The following TYW1B variants were observed in gnomAD, a reference collection of about 807,000 sequenced individuals.
TYW1B encodes the protein S-adenosyl-L-methionine-dependent tRNA 4-demethylwyosine synthase TYW1B.
Under a neutral mutation model 86.9 loss-of-function variants are expected in TYW1B, and 73 were observed. The observed-to-expected ratio is 0.84, with a 90% confidence interval of 0.70 to 1.02. The LOEUF (loss-of-function observed/expected upper bound fraction) is 1.02, where lower values mean the gene tolerates loss of function less well. TYW1B is among the 50% of genes least tolerant of loss of function. The probability of loss-of-function intolerance (pLI) is 0.00; values close to 1 mark genes in which losing one functional copy is unlikely to be tolerated. For missense variants in TYW1B, 637 were observed against 827.4 expected (o/e 0.77, Z 2.82); for synonymous variants, 248 against 292.8 (o/e 0.85, Z 1.56).
At chr7:72,792,991 C>G (rs566445273) in intron 6 of TYW1B, among the ~76,000 whole-genome samples, 1 of 152,242 alleles carries the variant, frequency 6.6e-6, no homozygotes, top group African/African-American at 2.4e-5. Flanking sequence ...CCAGGAAAAA[C>G]AGGAACAGAG....
chr7:72,646,968 T>C (rs182049610), intron 11 of TYW1B, among the ~76,000 whole-genome samples: 15 of 152,334 alleles, frequency 9.8e-5, no homozygotes, highest in East Asian at 5.8e-4. Context: ...CAGTGCTACA[T>C]AGACTGGATG....
chr7:72,684,152 A>G (rs1554448864), intron 11 of TYW1B, among the ~76,000 whole-genome samples: 2 of 152,226 alleles, frequency 1.3e-5, no homozygotes, highest in East Asian at 3.8e-4. Flanking sequence ...AGAAAAGAAC[A>G]AAAGTAGTAT....
intron 8 of TYW1B, among the ~76,000 whole-genome samples, chr7:72,742,768 T>A (rs570526395): frequency 6.6e-6 from 1 of 152,114 alleles, no homozygotes; most frequent in South Asian, 2.1e-4. Flanking sequence ...TTATAAGCAT[T>A]TATAATAATC....
At chr7:72,590,708 C>T (rs1280537619) in intron 13 of TYW1B, among the ~76,000 whole-genome samples, 1 of 152,134 alleles carries the variant, frequency 6.6e-6, no homozygotes, top group Non-Finnish European at 1.5e-5. Context: ...CCAGAAAACA[C>T]TGAGAGGCAA....
At chr7:72,822,402 G>C (rs538445401) in intron 2 of TYW1B, among the ~76,000 whole-genome samples, 1 of 152,090 alleles carries the variant, frequency 6.6e-6, no homozygotes, top group South Asian at 2.1e-4. Flanking sequence ...AAAAATTCAA[G>C]TATACAGAAC....
rs529675839 is a variant in TYW1B at position 72,767,422 on chromosome 7, T to A, written c.964+9994A>T. ...GAGATCGAGACCATCCTGGCTAACA[T>A]GGTGAAACCCATCTCTACTAAAAAT... On this transcript the variant is annotated intron_variant, in intron 7 of 13. Coordinates refer to ENST00000620995, the MANE Select transcript of TYW1B (RefSeq NM_001145440.3). 1.0e-3 allele frequency among the ~76,000 whole-genome samples: 159 copies of A among 151,830 alleles called. 1 individual carries two copies. Among genetic ancestry groups the A allele is most frequent in the Non-Finnish European group, 1.1e-3 (72 of 67,946 alleles).
At chr7:72,610,311 G>A (rs538271468) in intron 13 of TYW1B, among the ~76,000 whole-genome samples, 12 of 152,164 alleles carry the variant, frequency 7.9e-5, no homozygotes, top group East Asian at 1.9e-4. Context: ...TCCATAATTC[G>A]ATATCTATAT....
In TYW1B at chr7:72,646,286, T is replaced by C. The variant is rs1585873065; in HGVS notation, c.1507-17289A>G. Among the ~76,000 whole-genome samples, 5 of 152,082 alleles carry C rather than the reference T, an allele frequency of 3.3e-5. No homozygotes were observed. In the South Asian group the frequency reaches 1.0e-3, roughly 32 times the overall value. On this transcript the variant is annotated intron_variant, in intron 11 of 13. Coordinates refer to ENST00000620995, the MANE Select transcript of TYW1B (RefSeq NM_001145440.3). Reference sequence around the variant, plus strand: ...CTATATTGCCAGGCTGGTCTCAAACTCCTGGCCTCAAGTGATCCGCACACC... The same window carrying C: ...CTATATTGCCAGGCTGGTCTCAAACCCCTGGCCTCAAGTGATCCGCACACC...
At chr7:72,783,260 T>C (rs1185742183) in intron 6 of TYW1B, among the ~76,000 whole-genome samples, 1 of 151,038 alleles carries the variant, frequency 6.6e-6, no homozygotes, top group Non-Finnish European at 1.5e-5. Context: ...TAGCCGGGCG[T>C]GGTGGCATGC....
chr7:72,695,492 A>C (rs1160742371), intron 10 of TYW1B, among the ~76,000 whole-genome samples: 2 of 152,164 alleles, frequency 1.3e-5, no homozygotes, highest in African/African-American at 4.8e-5. Context: ...ATCAGTTTCC[A>C]TGAATACCAC....
At chr7:72,804,547 TAA>T (rs1788461670) in intron 5 of TYW1B, among the ~76,000 whole-genome samples, 2 of 151,724 alleles carry the variant, frequency 1.3e-5, no homozygotes, top group Admixed American at 1.3e-4. Flanking sequence ...TTTAAAAAAT[TAA>T]AAAACAAGCT....
chr7:72,607,515 G>A (rs1292940150), intron 13 of TYW1B, among the ~76,000 whole-genome samples: 4 of 151,000 alleles, frequency 2.6e-5, no homozygotes, highest in Non-Finnish European at 4.4e-5. Context: ...GAAGGAAGGA[G>A]AAATAGTTAA....
At chr7:72,630,538 C>T (rs1585861315) in intron 11 of TYW1B, among the ~76,000 whole-genome samples, 1 of 150,752 alleles carries the variant, frequency 6.6e-6, no homozygotes, top group African/African-American at 2.4e-5. Context: ...AAGGGATGCA[C>T]AAAATGATAC....
At chr7:72,690,836 C>G (rs1554450203) in intron 11 of TYW1B, among the ~76,000 whole-genome samples, 1 of 150,718 alleles carries the variant, frequency 6.6e-6, no homozygotes, top group African/African-American at 2.4e-5. Flanking sequence ...CAACCTCCGC[C>G]TCCCGGGTTG....
intron 7 of TYW1B, among the ~76,000 whole-genome samples, chr7:72,755,608 G>C (rs1460563118): frequency 6.6e-6 from 1 of 152,190 alleles, no homozygotes; most frequent in African/African-American, 2.4e-5. Context: ...AGGCTGCAGT[G>C]AGCCGAGATC....
intron 7 of TYW1B, among the ~76,000 whole-genome samples, chr7:72,777,182 T>C (rs1176203542): frequency 6.6e-6 from 1 of 152,170 alleles, no homozygotes; most frequent in Non-Finnish European, 1.5e-5. Flanking sequence ...ACTTTTGATC[T>C]GTGAACTTGA....
At chr7:72,729,710 A>T (rs1787069499) in intron 8 of TYW1B, among the ~76,000 whole-genome samples, 1 of 151,690 alleles carries the variant, frequency 6.6e-6, no homozygotes. Context: ...ACTGCCAACC[A>T]TCTCACCCTC....
At chr7:72,763,008 C>T (rs1034537116) in intron 7 of TYW1B, among the ~76,000 whole-genome samples, 1 of 151,926 alleles carries the variant, frequency 6.6e-6, no homozygotes, top group Non-Finnish European at 1.5e-5. Context: ...AGTATACACT[C>T]ATGACCCTCG....
chr7:72,597,284 T>C (rs1271200073), intron 13 of TYW1B, among the ~76,000 whole-genome samples: 1 of 113,846 alleles, frequency 8.8e-6, no homozygotes, highest in Non-Finnish European at 1.7e-5. Flanking sequence ...AAAAGTTCTA[T>C]AGGGGCAAAA....
Sources: allele counts gnomAD v4.1 joint callset (sites outside exome capture counted in the v4.1 genomes callset), GRCh38; gene constraint gnomAD v4.1.1; transcripts MANE v1.5; gene names NCBI Gene and HGNC (gene_info 2026-07-23, HGNC 2026-07-21).